The following APBB2 variants were observed in gnomAD, a reference collection of about 807,000 sequenced individuals.
The protein encoded by APBB2 is amyloid beta precursor protein binding family B member 2, also known as Fe65-like 1.
In APBB2, 38 loss-of-function variants were observed where a neutral mutation model predicts 82.5. The ratio of observed to expected loss-of-function variants is 0.46; its 90% CI spans 0.36 to 0.60. The LOEUF (loss-of-function observed/expected upper bound fraction) is 0.60, where lower values mean the gene tolerates loss of function less well. APBB2 is among the 20% of genes least tolerant of loss of function. APBB2 has a pLI of 0.00. For missense variants in APBB2, 772 were observed against 972.3 expected (o/e 0.79, Z 2.74); for synonymous variants, 341 against 368.2 (o/e 0.93, Z 0.85).
Position 40,832,954 on chromosome 4 carries a change from C to T in APBB2, c.1530-2377G>A, listed in dbSNP as rs908941119. On this transcript the variant is annotated intron_variant, in intron 12 of 17. Transcript: ENST00000508593. The surrounding 1 kb of genome is among the most constrained non-coding windows in gnomAD (Gnocchi z 4.8). ...ACTGAATGGGTTCCACGACTGGGCTCGGGGGTGGGTTGGGGCAAGTCACTG... is the reference window on the plus strand; with the variant it reads ...ACTGAATGGGTTCCACGACTGGGCTTGGGGGTGGGTTGGGGCAAGTCACTG... Among the ~76,000 whole-genome samples the T allele has an allele frequency of 5.3e-5, 8 of 151,676 alleles. No individual in the cohort carries two copies. Among genetic ancestry groups the T allele is most frequent in the Non-Finnish European group, 1.2e-4 (8 of 67,906 alleles).
Position 41,007,928 on chromosome 4 carries a change from T to G in APBB2, c.835+5655A>C, listed in dbSNP as rs561110866. On this transcript the variant is annotated intron_variant, in intron 6 of 17. Coordinates refer to ENST00000508593, the MANE Select transcript of APBB2 (RefSeq NM_004307.2). ...CTAAGATAAACATGATAGCAGAAACTTAGAAACATTTCTTTGGGAATACAG... is the reference window on the plus strand; with the variant it reads ...CTAAGATAAACATGATAGCAGAAACGTAGAAACATTTCTTTGGGAATACAG... 2.3e-4 allele frequency among the ~76,000 whole-genome samples: 35 copies of G among 152,266 alleles called. 1 individual carries two copies. The highest frequency in any genetic ancestry group is 8.2e-4 in the African/African-American group (34 of 41,542).
chr4:40,872,681 A>G (rs1404217535), intron 12 of APBB2, among the ~76,000 whole-genome samples: 1 of 152,146 alleles, frequency 6.6e-6, no homozygotes, highest in East Asian at 1.9e-4. Context: ...TGACATCTCA[A>G]GTTAGGAATG....
intron 12 of APBB2, among the ~76,000 whole-genome samples, chr4:40,863,044 G>C (rs901971106): frequency 1.3e-5 from 2 of 152,192 alleles, no homozygotes; most frequent in Non-Finnish European, 2.9e-5. Context: ...CTTTGTGTCA[G>C]AGGAGAAAGT....
intron 10 of APBB2, among the ~76,000 whole-genome samples, chr4:40,922,378 C>T (rs547957663): frequency 6.6e-6 from 1 of 152,214 alleles, no homozygotes; most frequent in Admixed American, 6.5e-5. Context: ...GAATCTACTG[C>T]AGACTGCTGT....
intron 12 of APBB2, chr4:40,880,947 T>A: frequency 1.0e-6 from 1 of 980,358 alleles, no homozygotes; most frequent in Non-Finnish European, 1.2e-6. Flanking sequence ...AGGACCGCCA[T>A]GAACGATCTG....
chr4:40,992,559 A>G (rs1802438573), intron 6 of APBB2, among the ~76,000 whole-genome samples: 1 of 152,222 alleles, frequency 6.6e-6, no homozygotes, highest in Non-Finnish European at 1.5e-5. Flanking sequence ...CGTGCTGAAC[A>G]GCAGTCTTGG....
rs137961231 is a variant in APBB2, at chr4:41,184,060, G to A, written c.-417+30345C>T. Among the ~76,000 whole-genome samples the A allele has an allele frequency of 1.1e-4, 17 of 151,962 alleles. No individual in the cohort carries two copies. In the East Asian group the frequency reaches 2.5e-3, roughly 22 times the overall value. On this transcript the variant is annotated intron_variant, in intron 1 of 17. Transcript: ENST00000508593. ...CAGGCATTAGATTCCCATAAAGAGC[G>A]TACAACCTAGATCCCTCACATGTGC... is the stretch of plus-strand genomic sequence containing the variant.
intron 3 of APBB2, among the ~76,000 whole-genome samples, 170 bp downstream of exon 3, chr4:41,100,469 T>G (rs1744979437): frequency 6.6e-6 from 1 of 152,166 alleles, no homozygotes; most frequent in African/African-American, 2.4e-5. Flanking sequence ...GCAAGTTTTT[T>G]TTTTTTACAC....
In APBB2 at chr4:40,812,979, T is replaced by G. The variant is rs1452803975; in HGVS notation, c.*3113A>C. Reference sequence around the variant, plus strand: ...GGTAGAAAAACGAAGCACCAAGCAGTGCTTTAGTCTGCAAAGGAAAGTTTT... The same window carrying G: ...GGTAGAAAAACGAAGCACCAAGCAGGGCTTTAGTCTGCAAAGGAAAGTTTT... On this transcript the variant is annotated 3_prime_UTR_variant, in exon 18 of 18. Coordinates refer to ENST00000508593, the MANE Select transcript of APBB2 (RefSeq NM_004307.2). The G allele has an allele frequency of 6.6e-6, 1 of 152,254 alleles. No homozygotes were observed. Among genetic ancestry groups the G allele is most frequent in the East Asian group, 1.9e-4 (1 of 5,204 alleles). The allele number at this position is 152,254 out of a possible 1,614,324, so 9.4% of individuals were successfully genotyped here.
chr4:40,823,344 G>A (rs937290763), intron 16 of APBB2, among the ~76,000 whole-genome samples: 8 of 152,212 alleles, frequency 5.3e-5, no homozygotes, highest in East Asian at 1.9e-4. Flanking sequence ...CAATACTGGC[G>A]CCCTGAGAGT....
rs1744687361 is a variant in APBB2, at chr4:40,812,863, A to C, written c.*3229T>G. 1 of 152,254 alleles carries C rather than the reference A, an allele frequency of 6.6e-6. No homozygotes were observed. Among genetic ancestry groups the C allele is most frequent in the East Asian group, 1.9e-4 (1 of 5,204 alleles). The allele number at this position is 152,254 out of a possible 1,614,324, so 9.4% of individuals were successfully genotyped here. A position where few individuals can be genotyped will look rare whatever the true frequency, so the allele number is the denominator to read the frequency against. On this transcript the variant is annotated 3_prime_UTR_variant, in exon 18 of 18. Coordinates refer to ENST00000508593, the MANE Select transcript of APBB2 (RefSeq NM_004307.2). Reference sequence around the variant, plus strand: ...CAGATGAACAAAAAACAATGGTCCTAATTAGCTATGAGTGATCTTGTATCC... The same window carrying C: ...CAGATGAACAAAAAACAATGGTCCTCATTAGCTATGAGTGATCTTGTATCC...
chr4:41,022,061 G>A (rs1033856244), intron 5 of APBB2, among the ~76,000 whole-genome samples: 15 of 152,068 alleles, frequency 9.9e-5, no homozygotes, highest in Non-Finnish European at 1.6e-4. Flanking sequence ...TGAGACTCAC[G>A]GCAAGGGTCC....
intron 4 of APBB2, among the ~76,000 whole-genome samples, chr4:41,035,916 T>C (rs1718982559): frequency 6.6e-6 from 1 of 152,164 alleles, no homozygotes; most frequent in Non-Finnish European, 1.5e-5. Context: ...TCATGCACAC[T>C]GGGAGACACA....
rs73232114 is a variant in APBB2, at chr4:41,184,820, A to G, written c.-417+29585T>C. ...CCACACCTCTGTGTGGGACACTCTG[A>G]GAGGTGACATTCACTGCAGAGCTCT... On this transcript the variant is annotated intron_variant, in intron 1 of 17. Coordinates refer to ENST00000508593, the MANE Select transcript of APBB2 (RefSeq NM_004307.2). Among the ~76,000 whole-genome samples, 970 of 152,322 alleles carry G rather than the reference A, an allele frequency of 6.4e-3. 4 individuals carry two copies. Among genetic ancestry groups the G allele is most frequent in the Non-Finnish European group, 7.3e-3 (495 of 68,032 alleles).
rs570328432 is a variant in APBB2 at position 41,117,149 on chromosome 4, C to T, written c.-260-16399G>A. The stretch of plus-strand genomic sequence containing the variant: ...TCTGCAGCTCACATCACAGGTATCA[C>T]ATTCTGTCCTGCATGGTCTTTAAGA... On this transcript the variant is annotated intron_variant, in intron 2 of 17. Transcript: ENST00000508593. 8.0e-4 allele frequency among the ~76,000 whole-genome samples: 122 copies of T among 152,196 alleles called. 1 individual carries two copies. Among genetic ancestry groups the T allele is most frequent in the African/African-American group, 2.9e-3 (121 of 41,510 alleles).
intron 6 of APBB2, among the ~76,000 whole-genome samples, chr4:41,005,584 C>T (rs1806485894): frequency 6.6e-6 from 1 of 152,182 alleles, no homozygotes; most frequent in East Asian, 1.9e-4. Flanking sequence ...GAGAGCATCA[C>T]CTGGCACTTC....
intron 12 of APBB2, among the ~76,000 whole-genome samples, chr4:40,873,701 T>G (rs1031350986): frequency 6.6e-6 from 1 of 152,248 alleles, no homozygotes; most frequent in Non-Finnish European, 1.5e-5. Flanking sequence ...TGCACTATTA[T>G]TCTCTGATTA....
In APBB2 at chr4:40,826,026, A is replaced by T; in HGVS notation, c.1733-56T>A. ...CAGTGGTTCCAACACACATGTACAC[A>T]ACAGCCGTGGCTCTGCATCATCTGA... On this transcript the variant is annotated intron_variant, in intron 14 of 17. Coordinates refer to ENST00000508593, the MANE Select transcript of APBB2 (RefSeq NM_004307.2). The surrounding 1 kb of genome is among the most constrained non-coding windows in gnomAD (Gnocchi z 4.5). 7.4e-7 allele frequency: 1 copy of T among 1,355,384 alleles called. No homozygotes were observed. The highest frequency in any genetic ancestry group is 1.1e-6 in the Non-Finnish European group (1 of 944,208). The allele number at this position is 1,355,384 out of a possible 1,614,324, so 84.0% of individuals were successfully genotyped here.
intron 12 of APBB2, chr4:40,880,204 T>C (rs932676041): frequency 9.0e-5 from 89 of 985,294 alleles, no homozygotes; most frequent in Admixed American, 1.8e-4. Context: ...GTGAGATTCC[T>C]ACTCCAGTGT....
Sources: gnomAD v4.1 joint callset for allele counts (sites outside exome capture counted in the v4.1 genomes callset) on GRCh38, gnomAD v4.1.1 for gene constraint, Gnocchi (gnomAD v3.1) non-coding constraint, MANE v1.5 for transcripts, NCBI Gene and HGNC (gene_info 2026-07-23, HGNC 2026-07-21) for gene names.